CFAP263: variants seen among roughly 807,000 people sequenced by gnomAD.
CFAP263 encodes cilia- and flagella-associated protein 263.
the CFAP263 span, among the ~76,000 whole-genome samples, chr16:58,259,033 G>A: frequency 4.1e-5 from 6 of 146,056 alleles, no homozygotes; most frequent in East Asian, 2.0e-4. Flanking sequence ...AAATAAATGC[G>A]TGTTTATCAA....
the CFAP263 span, among the ~76,000 whole-genome samples, chr16:58,255,533 A>T: frequency 6.6e-6 from 1 of 151,832 alleles, no homozygotes; most frequent in African/African-American, 2.4e-5. Flanking sequence ...CATCACAGTC[A>T]GTGAATTGAG....
the CFAP263 span, among the ~76,000 whole-genome samples, chr16:58,262,783 A>ATAGATAGATAGATAGATAGATAGG: frequency 6.6e-6 from 1 of 150,912 alleles, no homozygotes; most frequent in African/African-American, 2.5e-5. Context: ...AGATAGATAG[A>ATAGATAGATAGATAGATAGATAGG]TAGATAGATA....
chr16:58,279,258 A>C, the CFAP263 span, among the ~76,000 whole-genome samples: 2 of 152,240 alleles, frequency 1.3e-5, no homozygotes, highest in Non-Finnish European at 1.5e-5. Flanking sequence ...GTAGCTTAGA[A>C]AGCCAGTCAG....
chr16:58,258,491 A>G, the CFAP263 span: 3 of 1,614,138 alleles, frequency 1.9e-6, no homozygotes, highest in South Asian at 3.3e-5. Flanking sequence ...TCAGAAAGTG[A>G]TGAAATACAT....
the CFAP263 span, chr16:58,252,760 G>C: frequency 6.2e-7 from 1 of 1,613,056 alleles, no homozygotes; most frequent in South Asian, 1.1e-5. Flanking sequence ...CTGAGACTGA[G>C]ATGTTTGAGA....
chr16:58,280,218 C>G, the CFAP263 span: 4 of 1,601,692 alleles, frequency 2.5e-6, no homozygotes, highest in African/African-American at 4.0e-5. Context: ...TGGGGTAGCT[C>G]CTGGACTAGA....
the CFAP263 span, among the ~76,000 whole-genome samples, chr16:58,272,428 A>G: frequency 1.3e-5 from 2 of 152,224 alleles, no homozygotes; most frequent in South Asian, 4.1e-4. Flanking sequence ...TGTGAACATT[A>G]TAGAGTGTAC....
the CFAP263 span, chr16:58,280,670 A>C: frequency 6.2e-7 from 1 of 1,614,134 alleles, no homozygotes; most frequent in East Asian, 2.2e-5. Context: ...AGGCCAGGGC[A>C]CGTCTCACCA....
chr16:58,280,138 C>A, the CFAP263 span: 1 of 1,402,490 alleles, frequency 7.1e-7, no homozygotes, highest in South Asian at 1.3e-5. Flanking sequence ...GTGCAACTAT[C>A]AAAAACAGAC....
chr16:58,262,763 G>GTAGATAGATAGATAGA, the CFAP263 span, among the ~76,000 whole-genome samples: 71 of 78,508 alleles, frequency 9.0e-4, 1 homozygote, highest in Non-Finnish European at 1.1e-3. Context: ...TAGATGATAG[G>GTAGATAGATAGATAGA]TAGATAGATA....
chr16:58,267,709 A>C, the CFAP263 span: 1 of 635,652 alleles, frequency 1.6e-6, no homozygotes, highest in Non-Finnish European at 2.8e-6. Flanking sequence ...TAGACAATAA[A>C]AATCAAAATA....
the CFAP263 span, among the ~76,000 whole-genome samples, chr16:58,257,654 A>G: frequency 6.7e-6 from 1 of 148,328 alleles, no homozygotes; most frequent in Non-Finnish European, 1.5e-5. Context: ...TGGAAATATA[A>G]AGTCTTTTTT....
At chr16:58,250,914 G>T in the CFAP263 span, among the ~76,000 whole-genome samples, 1 of 152,114 alleles carries the variant, frequency 6.6e-6, no homozygotes, top group Admixed American at 6.6e-5. Flanking sequence ...CCGATAGTCT[G>T]CGTTTATTTT....
chr16:58,260,784 T>A, the CFAP263 span, among the ~76,000 whole-genome samples: 1 of 152,192 alleles, frequency 6.6e-6, no homozygotes, highest in Non-Finnish European at 1.5e-5. Flanking sequence ...GTTGGGGGAC[T>A]ATTGCTTGAG....
chr16:58,268,042 G>T, the CFAP263 span, among the ~76,000 whole-genome samples: 1 of 71,342 alleles, frequency 1.4e-5, no homozygotes, highest in Non-Finnish European at 2.7e-5. Context: ...AGAGAGAGAG[G>T]AAGAGAGAGA....
the CFAP263 span, chr16:58,258,488 G>T: frequency 4.3e-6 from 7 of 1,614,138 alleles, no homozygotes; most frequent in Admixed American, 6.7e-5. Context: ...CACTCAGAAA[G>T]TGATGAAATA....
At chr16:58,267,855 C>T in the CFAP263 span, among the ~76,000 whole-genome samples, 1 of 152,182 alleles carries the variant, frequency 6.6e-6, no homozygotes, top group Non-Finnish European at 1.5e-5. Flanking sequence ...TTTGGGAATT[C>T]CTTAAGTGAC....
chr16:58,279,845 C>T, the CFAP263 span: 12,724 of 1,244,874 alleles, frequency 0.01, 132 homozygotes, highest in African/African-American at 0.035. Flanking sequence ...TTTCTAGTCA[C>T]GGGCTCCTCT....
At chr16:58,269,581 A>C in the CFAP263 span, among the ~76,000 whole-genome samples, 30 of 152,212 alleles carry the variant, frequency 2.0e-4, no homozygotes, top group Non-Finnish European at 3.5e-4. Context: ...AAAAGAGATT[A>C]TACAATAGGT....
Sources: allele counts gnomAD v4.1 joint callset (sites outside exome capture counted in the v4.1 genomes callset), GRCh38; gene constraint gnomAD v4.1.1; transcripts MANE v1.5; gene names NCBI Gene and HGNC (gene_info 2026-07-23, HGNC 2026-07-21).